The following SLC7A8 variants were observed in gnomAD, a reference collection of about 807,000 sequenced individuals.
SLC7A8 encodes the protein solute carrier family 7 member 8.
A neutral mutation model predicts 51.2 loss-of-function variants in SLC7A8; 30 were observed. That is an observed-to-expected ratio of 0.59 (90% CI 0.44 to 0.80). The LOEUF (loss-of-function observed/expected upper bound fraction) is 0.80, where lower values mean the gene tolerates loss of function less well. SLC7A8 is among the 30% of genes least tolerant of loss of function. The pLI is 0.00. For missense variants in SLC7A8, 612 were observed against 674.4 expected (o/e 0.91, Z 1.03); for synonymous variants, 257 against 275.8 (o/e 0.93, Z 0.67).
intron 3 of SLC7A8, among the ~76,000 whole-genome samples, chr14:23,150,523 C>A (rs576348353): frequency 1.3e-5 from 2 of 152,304 alleles, no homozygotes; most frequent in South Asian, 4.1e-4. Context: ...GTGCCCTTCC[C>A]AGCTTAGTCA....
chr14:23,180,975 C>A (rs187673788), intron 1 of SLC7A8, among the ~76,000 whole-genome samples: 2,654 of 151,976 alleles, frequency 0.017, 81 homozygotes, highest in African/African-American at 0.06. Context: ...TGCAGTGAGC[C>A]GAGATCGCGC....
In SLC7A8 at chr14:23,126,980, TG is replaced by T. The variant is rs2048582880; in HGVS notation, c.*196del. ...GGAGTGGGGCCTGGGACATGGACCC[TG>T]GGGTGAGAGGCTGGTTCTTTGGGTA... On this transcript the variant is annotated 3_prime_UTR_variant, in exon 11 of 11. Coordinates refer to ENST00000316902, the MANE Select transcript of SLC7A8 (RefSeq NM_012244.4). 3.0e-6 allele frequency: 2 copies of T among 655,776 alleles called. No individual in the cohort carries two copies. The highest frequency in any genetic ancestry group is 3.6e-5 in the African/African-American group (2 of 54,978). 40.6% of individuals were successfully genotyped at this position (655,776 alleles called of 1,614,324 possible). A position where few individuals can be genotyped will look rare whatever the true frequency, so the allele number is the denominator to read the frequency against.
chr14:23,143,125 C>CAGGA lies in SLC7A8; in HGVS notation c.584_587dup (p.Ala197ProfsTer29). ...CCATGATGATAATCAGGGCCAAGGC[C>CAGGA]AGGAGCTTCCCAGCTGTGAAGATGT... is the stretch of plus-strand genomic sequence containing the variant. On this transcript the variant is annotated frameshift_variant, in exon 4 of 11. Coordinates refer to ENST00000316902, the MANE Select transcript of SLC7A8 (RefSeq NM_012244.4). LOFTEE classifies it high-confidence loss of function. The CAGGA allele has an allele frequency of 6.2e-7, 1 of 1,614,164 alleles. No homozygotes were observed. Among genetic ancestry groups the CAGGA allele is most frequent in the South Asian group, 1.1e-5 (1 of 91,078 alleles).
intron 5 of SLC7A8, among the ~76,000 whole-genome samples, chr14:23,139,950 T>C (rs2048727255): frequency 6.6e-6 from 1 of 152,148 alleles, no homozygotes; most frequent in African/African-American, 2.4e-5. Flanking sequence ...GAGGCTGCAG[T>C]GAGCTATGAC....
intron 7 of SLC7A8, among the ~76,000 whole-genome samples, chr14:23,133,600 G>T (rs1042480874): frequency 6.6e-6 from 1 of 152,160 alleles, no homozygotes; most frequent in African/African-American, 2.4e-5. Flanking sequence ...GCTGAGGTGG[G>T]TGAATCACCT....
intron 3 of SLC7A8, among the ~76,000 whole-genome samples, chr14:23,163,206 G>A (rs1182789910): frequency 1.3e-5 from 2 of 152,198 alleles, no homozygotes; most frequent in Non-Finnish European, 2.9e-5. Context: ...ACACTGTGCT[G>A]AGGGTGTCCC....
intron 3 of SLC7A8, among the ~76,000 whole-genome samples, chr14:23,160,874 C>G (rs1382757227): frequency 6.6e-6 from 1 of 152,134 alleles, no homozygotes; most frequent in African/African-American, 2.4e-5. Flanking sequence ...CTAACTCCCT[C>G]CACTCCCACT....
At chr14:23,137,840 A>G in intron 7 of SLC7A8, 81 bp downstream of exon 7, 7 of 1,550,766 alleles carry the variant, frequency 4.5e-6, no homozygotes, top group Non-Finnish European at 6.1e-6. Flanking sequence ...CCCTGCTGAC[A>G]GAGACAAGCC....
At chr14:23,137,898 G>A (rs1195210815) in intron 7 of SLC7A8, 23 bp downstream of exon 7, 1 of 1,610,306 alleles carries the variant, frequency 6.2e-7, no homozygotes, top group South Asian at 1.1e-5. Context: ...CCCTGGCCGG[G>A]GAAGGGCCCA....
intron 7 of SLC7A8, among the ~76,000 whole-genome samples, chr14:23,135,004 C>G (rs1196294684): frequency 6.6e-6 from 1 of 152,224 alleles, no homozygotes. Context: ...TGGGCTCAAG[C>G]AATCCTTCCA....
At chr14:23,155,959 G>A (rs1176917614) in intron 3 of SLC7A8, among the ~76,000 whole-genome samples, 1 of 151,926 alleles carries the variant, frequency 6.6e-6, no homozygotes, top group Non-Finnish European at 1.5e-5. Flanking sequence ...AATTCCAAGG[G>A]TAGCTTGTAC....
chr14:23,139,662 TGAGGCTTCCTTTCCCTGGGA>T, intron 5 of SLC7A8, 115 bp from the exon 6 acceptor site: 1 of 1,291,992 alleles, frequency 7.7e-7, no homozygotes, highest in South Asian at 1.5e-5. Context: ...CAGCCTTCTG[TGAGGCTTCCTTTCCCTGGGA>T]GGTGGGCTTT....
At chr14:23,177,741 A>T (rs920360357) in intron 1 of SLC7A8, among the ~76,000 whole-genome samples, 2 of 152,196 alleles carry the variant, frequency 1.3e-5, no homozygotes, top group African/African-American at 4.8e-5. Context: ...TGCTGGCCAG[A>T]TGCCCCTCAG....
chr14:23,154,757 G>C (rs1231325619), intron 3 of SLC7A8, among the ~76,000 whole-genome samples: 2 of 152,018 alleles, frequency 1.3e-5, no homozygotes, highest in African/African-American at 4.8e-5. Flanking sequence ...TGGAGGTGTG[G>C]GGGAGTGGGC....
At chr14:23,129,425 T>G in intron 9 of SLC7A8, 2 of 512,176 alleles carry the variant, frequency 3.9e-6, no homozygotes, top group Non-Finnish European at 3.4e-6. Context: ...GAAAGTCACA[T>G]TTGATCTGAC....
At position 23,128,062 on chromosome 14, in the gene SLC7A8, A is replaced by C. The variant is rs1158008689; in HGVS notation, c.1398T>G (p.Gly466=). 6.2e-7 allele frequency: 1 copy of C among 1,614,002 alleles called. No individual in the cohort carries two copies. Among genetic ancestry groups the C allele is most frequent in the African/African-American group, 1.3e-5 (1 of 74,902 alleles). The change falls in exon 10 of 11, where the codon GGT becomes GGG. Residue 466 remains glycine (G), a synonymous_variant. Transcript: ENST00000316902. The surrounding 1 kb of genome is among the most constrained non-coding windows in gnomAD (Gnocchi z 4.3). ...ACTTGGGCTTGTGTTGCCAGTAAAC[A>C]CCCAGGAAATAGACAGGCACTCCTG... ...MLTGVPVYFL[G]VYWQHKPKCF...
chr14:23,144,165 C>T (rs1033090604), intron 3 of SLC7A8, among the ~76,000 whole-genome samples: 8 of 151,832 alleles, frequency 5.3e-5, no homozygotes, highest in African/African-American at 1.7e-4. Context: ...TTTCATTGCT[C>T]TTGAGTAAAT....
chr14:23,166,274 C>G (rs2048949547), intron 2 of SLC7A8, 62 bp downstream of exon 2: 1 of 1,574,210 alleles, frequency 6.4e-7, no homozygotes, highest in South Asian at 1.1e-5. Flanking sequence ...CCAATCTGAC[C>G]TCCTTCTGAA....
Position 23,148,897 on chromosome 14 carries a change from T to C in SLC7A8, c.509-5693A>G, listed in dbSNP as rs74036924. The stretch of plus-strand genomic sequence containing the variant: ...CTAAGTTTGTGGTTACTTGTAACAG[T>C]AGCAATAGGAAATGGATACCAGACA... On this transcript the variant is annotated intron_variant, in intron 3 of 10. Transcript: ENST00000316902. Among the ~76,000 whole-genome samples, 735 of 152,284 alleles carry C rather than the reference T, an allele frequency of 4.8e-3. 6 individuals are homozygous for C. Among genetic ancestry groups the C allele is most frequent in the African/African-American group, 0.016 (681 of 41,548 alleles).
Sources: gnomAD v4.1 joint callset for allele counts (sites outside exome capture counted in the v4.1 genomes callset) on GRCh38, gnomAD v4.1.1 for gene constraint, Gnocchi (gnomAD v3.1) non-coding constraint, MANE v1.5 for transcripts, NCBI Gene and HGNC (gene_info 2026-07-23, HGNC 2026-07-21) for gene names.